RYR1: variants seen among roughly 807,000 people sequenced by gnomAD.
RYR1 encodes the protein ryanodine receptor 1.
A neutral mutation model predicts 583.5 loss-of-function variants in RYR1; 342 were observed. The observed-to-expected ratio is 0.59, with a 90% CI of 0.54 to 0.64. The LOEUF (loss-of-function observed/expected upper bound fraction) is 0.64, where lower values mean the gene tolerates loss of function less well. Among genes scored for constraint, RYR1 ranks in the 30% least tolerant of loss-of-function variants. RYR1 has a pLI of 0.00. For missense variants in RYR1, 6,032 were observed against 6,917.2 expected, an observed-to-expected ratio of 0.87 and a Z score of 4.54; for synonymous variants, 2,791 against 2,822.5, an observed-to-expected ratio of 0.99 and a Z score of 0.35.
At chr19:38,574,650 CAAGT>C (rs1324296641) in intron 96 of RYR1, among the ~76,000 whole-genome samples, 1 of 151,240 alleles carries the variant, frequency 6.6e-6, no homozygotes, top group African/African-American at 2.4e-5. Flanking sequence ...AAAAAAAAAA[CAAGT>C]AGGAATTGGA....
intron 66 of RYR1, among the ~76,000 whole-genome samples, chr19:38,518,961 C>G (rs71356810): frequency 6.7e-6 from 1 of 150,362 alleles, no homozygotes; most frequent in Non-Finnish European, 1.5e-5. Flanking sequence ...ACAGGTGAGG[C>G]GTCTGTTGTT....
At position 38,527,657 on chromosome 19, in the gene RYR1, C is replaced by G; in HGVS notation, c.10697C>G (p.Ser3566Cys). 1 of 1,614,134 alleles carries G rather than the reference C, an allele frequency of 6.2e-7. No homozygotes were observed. Among genetic ancestry groups the G allele is most frequent in the Non-Finnish European group, 8.5e-7 (1 of 1,180,030 alleles). Residue 3566 changes from serine to cysteine, a missense_variant, in exon 73 of 106, where the codon TCC becomes TGC. Ser to Cys is a moderately radical substitution (Grantham distance 112, BLOSUM62 -1). This residue lies in a region of RYR1 where 1,493 missense variants were observed against 1,715.5 expected (regional missense o/e 0.87). Transcript: ENST00000359596. ...NLHLQGKVEGSPSLRWQMALY... is the reference protein window; with the variant it reads ...NLHLQGKVEGCPSLRWQMALY... ...TCTTCCTCCCTTCAGGTCGAAGGCT[C>G]CCCGTCTCTGCGCTGGCAGATGGCT...
chr19:38,500,852 A>G lies in RYR1; in HGVS notation c.7476A>G (p.Ala2492=), dbSNP rs1489004836. 2.5e-6 allele frequency: 4 copies of G among 1,611,580 alleles called. No individual in the cohort carries two copies. Among genetic ancestry groups the G allele is most frequent in the Non-Finnish European group, 3.4e-6 (4 of 1,179,034 alleles). ...CTCTGGTGCAGCCAAAGATGTCAGC[A>G]TCCTTCGTGCCGGACCACAAGGCGT... ...DGALVQPKMS[A]SFVPDHKASM... Residue 2492 remains alanine (A), a synonymous_variant, in exon 47 of 106, where the codon GCA becomes GCG. Transcript: ENST00000359596. The surrounding 1 kb of genome is among the most constrained non-coding windows in gnomAD (Gnocchi z 5.9).
Position 38,570,646 on chromosome 19 carries a change from G to A in RYR1, c.13699G>A (p.Ala4567Thr), listed in dbSNP as rs371441593. ...GAACTTTTACACCCTGCGGTTCCTT[G>A]CCCTCTTCTTGGCATTTGCCATCAA... is the stretch of plus-strand genomic sequence containing the variant. ...SRNFYTLRFL[A>T]LFLAFAINFI... The change falls in exon 94 of 106, where the codon GCC becomes ACC. Residue 4567 changes from alanine to threonine, a missense_variant. By Grantham distance (58) the Ala-to-Thr change is moderately conservative. Coordinates refer to ENST00000359596, the MANE Select transcript of RYR1 (RefSeq NM_000540.3). The A allele has an allele frequency of 6.2e-7, 1 of 1,613,876 alleles. No homozygotes were observed. The highest frequency in any genetic ancestry group is 1.3e-5 in the African/African-American group (1 of 74,902).
At chr19:38,442,568 TG>T (rs1043836249) in intron 3 of RYR1, 115 bp downstream of exon 3, 1 of 729,828 alleles carries the variant, frequency 1.4e-6, no homozygotes, top group Non-Finnish European at 2.5e-6. Context: ...GCTTACCATC[TG>T]CTCTTCTTCC....
At chr19:38,453,055 G>GGGGGCGGGACCACTGA (rs1967169144) in intron 13 of RYR1, 41 bp downstream of exon 13, 1 of 1,601,364 alleles carries the variant, frequency 6.2e-7, no homozygotes, top group Non-Finnish European at 8.5e-7. Flanking sequence ...TGTGGGCCCA[G>GGGGGCGGGACCACTGA]GGGGCGGGAC....
chr19:38,583,697 G>A (rs959512522), intron 101 of RYR1, among the ~76,000 whole-genome samples: 2 of 151,988 alleles, frequency 1.3e-5, no homozygotes, highest in African/African-American at 2.4e-5. Flanking sequence ...TCCTCTTTCA[G>A]TTCCCCTAGG....
intron 49 of RYR1, among the ~76,000 whole-genome samples, chr19:38,503,969 A>G (rs1244205682): frequency 6.6e-6 from 1 of 152,182 alleles, no homozygotes; most frequent in Non-Finnish European, 1.5e-5. Flanking sequence ...AAGCAATACC[A>G]GACACAACCA....
Position 38,519,110 on chromosome 19 carries a change from C to A in RYR1, c.10019-104C>A. ...TTAGGGTCAGGCTGGGGTCAAATGGCAGCTGCTAGGTTGGAGATGCTGTTT... is the reference window on the plus strand; with the variant it reads ...TTAGGGTCAGGCTGGGGTCAAATGGAAGCTGCTAGGTTGGAGATGCTGTTT... On this transcript the variant is annotated intron_variant, in intron 66 of 105. Transcript: ENST00000359596. 5.0e-6 allele frequency: 8 copies of A among 1,586,644 alleles called. No individual in the cohort carries two copies. The South Asian group carries it at 7.8e-5, about 15-fold the overall frequency.
In RYR1 at chr19:38,565,562, G is replaced by A. The variant is rs776964609; in HGVS notation, c.13228G>A (p.Glu4410Lys). Reference protein sequence around the residue: ...GGDADGEGASEGAGDAAEGAG... With the variant: ...GGDADGEGASKGAGDAAEGAG... ...AGACGCAGACGGCGAGGGTGCCAGCGAGGGCGCTGGAGACGCCGCGGAGGG... is the reference window on the plus strand; with the variant it reads ...AGACGCAGACGGCGAGGGTGCCAGCAAGGGCGCTGGAGACGCCGCGGAGGG... The change falls in exon 91 of 106, where the codon GAG becomes AAG. Residue 4410 changes from glutamate (E) to lysine (K), a missense_variant. Transcript: ENST00000359596. The surrounding 1 kb of genome is among the most constrained non-coding windows in gnomAD (Gnocchi z 4.7). 2.0e-6 allele frequency: 3 copies of A among 1,478,382 alleles called. No individual in the cohort carries two copies. The highest frequency in any genetic ancestry group is 5.8e-5 in the East Asian group (2 of 34,532). 91.6% of individuals were successfully genotyped at this position (1,478,382 alleles called of 1,614,324 possible).
In RYR1 at chr19:38,512,261, G is replaced by A. The variant is rs1171171678; in HGVS notation, c.9250G>A (p.Gly3084Ser). The stretch of plus-strand genomic sequence containing the variant: ...CCCTTCTAGGACAGTGATGAAGTCA[G>A]GCCCTGAGATCGTGAAGGCTGGCCT... ...SLDARTVMKSGPEIVKAGLRS... is the reference protein window; with the variant it reads ...SLDARTVMKSSPEIVKAGLRS... Residue 3084 changes from glycine to serine, a missense_variant, in exon 63 of 106, where the codon GGC (glycine) becomes AGC (serine). By Grantham distance (56) the Gly-to-Ser change is moderately conservative (BLOSUM62 0). Coordinates refer to ENST00000359596, the MANE Select transcript of RYR1 (RefSeq NM_000540.3). This position sits in a 1 kb window ranked among gnomAD's most constrained non-coding sequence, Gnocchi z 5.1. The A allele has an allele frequency of 1.2e-6, 2 of 1,614,120 alleles. No homozygotes were observed. The highest frequency in any genetic ancestry group is 2.2e-5 in the East Asian group (1 of 44,902).
rs572521634 is a variant in RYR1, at chr19:38,468,322, A to G, written c.3381+510A>G. Among the ~76,000 whole-genome samples, 27 of 151,110 alleles carry G rather than the reference A, an allele frequency of 1.8e-4. 1 individual carries two copies. In the South Asian group the frequency reaches 2.9e-3, roughly 16 times the overall value. ...TCATCCATTCATCCCTCATCCATCC[A>G]ACCAACCATCCATCCATCCATTCTT... On this transcript the variant is annotated intron_variant, in intron 25 of 105. Transcript: ENST00000359596.
At chr19:38,521,216 C>G (rs1427711091) in intron 67 of RYR1, among the ~76,000 whole-genome samples, 1 of 151,944 alleles carries the variant, frequency 6.6e-6, no homozygotes, top group East Asian at 1.9e-4. Flanking sequence ...ATCGTTTGAG[C>G]CCAGGAGGTC....
chr19:38,500,636 C>T lies in RYR1; in HGVS notation c.7354C>T (p.Arg2452Trp), dbSNP rs118192124. The T allele has an allele frequency of 6.2e-7, 1 of 1,613,550 alleles. No homozygotes were observed. The highest frequency in any genetic ancestry group is 1.3e-5 in the African/African-American group (1 of 75,032). The stretch of plus-strand genomic sequence containing the variant: ...CCAAGCCGGCAAGGGTGAGGCCCTG[C>T]GGATCCGCGCCATCCTCCGCTCCCT... ...LIQAGKGEAL[R>W]IRAILRSLVP... The change falls in exon 46 of 106, where the codon CGG becomes TGG. Residue 2452 changes from arginine to tryptophan, a missense_variant. Physicochemically the swap from Arg to Trp is moderately radical, Grantham distance 101 (BLOSUM62 -3). Around this residue, in one of 11 missense-constraint regions of RYR1, gnomAD observed 2,627 missense variants for 2,961.3 expected, o/e 0.89. Coordinates refer to ENST00000359596, the MANE Select transcript of RYR1 (RefSeq NM_000540.3). This position sits in a 1 kb window ranked among gnomAD's most constrained non-coding sequence, Gnocchi z 5.9.
At chr19:38,545,648 G>C (rs1177824724) in intron 87 of RYR1, among the ~76,000 whole-genome samples, 2 of 152,038 alleles carry the variant, frequency 1.3e-5, no homozygotes. Flanking sequence ...CCCCATCTCT[G>C]TTAAAAGTAA....
intron 13 of RYR1, among the ~76,000 whole-genome samples, chr19:38,453,407 G>C (rs1967195754): frequency 1.3e-5 from 2 of 151,714 alleles, no homozygotes; most frequent in Admixed American, 1.3e-4. Flanking sequence ...TGCCGACTCA[G>C]CGGGCGGGGT....
intron 70 of RYR1, among the ~76,000 whole-genome samples, chr19:38,524,192 A>G (rs1042572952): frequency 1.4e-5 from 2 of 147,798 alleles, no homozygotes; most frequent in African/African-American, 4.9e-5. Context: ...TTCCCAAAAA[A>G]AAAAAAAAAA....
chr19:38,441,931 T>G (rs1972706532), intron 2 of RYR1, among the ~76,000 whole-genome samples: 1 of 151,668 alleles, frequency 6.6e-6, no homozygotes, highest in Non-Finnish European at 1.5e-5. Context: ...GAGGTGGGGC[T>G]TCCTTTGGGG....
chr19:38,482,823 A>C (rs1295197060), intron 31 of RYR1, among the ~76,000 whole-genome samples: 2 of 152,122 alleles, frequency 1.3e-5, no homozygotes, highest in African/African-American at 4.8e-5. Context: ...GTGCAGAGAC[A>C]GATGACAGGT....
Sources: allele counts gnomAD v4.1 joint callset (sites outside exome capture counted in the v4.1 genomes callset), GRCh38; gene constraint gnomAD v4.1.1; regional missense constraint gnomAD v4.1.1; non-coding constraint Gnocchi (gnomAD v3.1); transcripts MANE v1.5; gene names NCBI Gene and HGNC (gene_info 2026-07-23, HGNC 2026-07-21).